Variants in ORC5 observed in about 807,000 individuals in gnomAD.
The protein encoded by ORC5 is protein phosphatase 1, regulatory subunit 117.
ORC5 carries 39 observed loss-of-function variants against 58.8 expected under a neutral mutation model. The ratio of observed to expected loss-of-function variants is 0.66; its 90% confidence interval spans 0.51 to 0.87. ORC5 has a LOEUF of 0.87. Ranked by LOEUF, ORC5 falls within the 40% of genes least tolerant of loss-of-function variation. The probability of loss-of-function intolerance (pLI) is 0.00; values close to 1 mark genes in which losing one functional copy is unlikely to be tolerated. For missense variants in ORC5, 493 were observed against 506.3 expected (o/e 0.97, Z 0.25); for synonymous variants, 218 against 177.6 (o/e 1.23, Z -1.81).
In ORC5 at chr7:104,195,174, C is replaced by T. The variant is rs773154722; in HGVS notation, c.522G>A (p.Pro174=). The change falls in exon 5 of 14, where the codon CCG becomes CCA. Residue 174 remains proline (P), a synonymous_variant. Transcript: ENST00000297431. ...KFRPNTGCFE[P]FVLYFPDYSI... ...TGTAATCAGGGAAATATAAGACAAACGGCTCAAAGCATCCAGTATTTGGAC... is the reference window on the plus strand; with the variant it reads ...TGTAATCAGGGAAATATAAGACAAATGGCTCAAAGCATCCAGTATTTGGAC... The T allele has an allele frequency of 9.5e-6, 15 of 1,572,246 alleles. No homozygotes were observed. Among genetic ancestry groups the T allele is most frequent in the African/African-American group, 2.8e-5 (2 of 72,128 alleles).
chr7:104,132,709 G>A (rs1011701810), intron 13 of ORC5, among the ~76,000 whole-genome samples: 1 of 152,176 alleles, frequency 6.6e-6, no homozygotes, highest in Non-Finnish European at 1.5e-5. Flanking sequence ...AACACAGTCT[G>A]CTTTGAGCTT....
intron 5 of ORC5, among the ~76,000 whole-genome samples, chr7:104,191,381 A>AAAC (rs1218975624): frequency 3.3e-5 from 5 of 152,080 alleles, no homozygotes; most frequent in African/African-American, 9.7e-5. Flanking sequence ...ACATAAAGCA[A>AAAC]AACAACAACA....
At chr7:104,128,798 T>C (rs1409747382) in intron 13 of ORC5, among the ~76,000 whole-genome samples, 2 of 151,672 alleles carry the variant, frequency 1.3e-5, no homozygotes, top group Non-Finnish European at 2.9e-5. Flanking sequence ...AAGTGGTATT[T>C]GTACATCTCT....
intron 12 of ORC5, among the ~76,000 whole-genome samples, chr7:104,151,130 T>C (rs555191763): frequency 2.6e-5 from 4 of 152,224 alleles, no homozygotes; most frequent in Middle Eastern, 3.4e-3. Flanking sequence ...GTGGTAGAAA[T>C]TGGGGCCAGA....
At chr7:104,159,608 T>C (rs1052365628) in intron 12 of ORC5, among the ~76,000 whole-genome samples, 1 of 145,392 alleles carries the variant, frequency 6.9e-6, no homozygotes, top group Admixed American at 6.9e-5. Context: ...TGTACTATCC[T>C]TCACTGTGCC....
chr7:104,194,007 T>A (rs548069261), intron 5 of ORC5, among the ~76,000 whole-genome samples: 7 of 151,842 alleles, frequency 4.6e-5, no homozygotes, highest in Non-Finnish European at 5.9e-5. Flanking sequence ...CAACATTTTT[T>A]AATAATTTTC....
At chr7:104,198,100 G>A (rs1293655194) in intron 3 of ORC5, among the ~76,000 whole-genome samples, 1 of 152,204 alleles carries the variant, frequency 6.6e-6, no homozygotes. Context: ...ATCATGAGAG[G>A]AGGCAGCAAG....
Position 104,152,898 on chromosome 7 carries a change from T to C in ORC5, c.1149+8174A>G, listed in dbSNP as rs549393783. ...TAAATCCCTTAGGCAGTTTTTTATATGTCACCCTTAGGCACTGGTTTCATT... is the reference window on the plus strand; with the variant it reads ...TAAATCCCTTAGGCAGTTTTTTATACGTCACCCTTAGGCACTGGTTTCATT... On this transcript the variant is annotated intron_variant, in intron 12 of 13. Transcript: ENST00000297431. 4.1e-3 allele frequency among the ~76,000 whole-genome samples: 628 copies of C among 152,312 alleles called. 3 individuals are homozygous for C. The highest frequency in any genetic ancestry group is 6.9e-3 in the Admixed American group (105 of 15,294).
At chr7:104,205,952 G>A (rs902001728) in intron 1 of ORC5, among the ~76,000 whole-genome samples, 2 of 152,198 alleles carry the variant, frequency 1.3e-5, no homozygotes, top group African/African-American at 2.4e-5. Flanking sequence ...AGACTGCAGT[G>A]AGCCAAGATC....
At chr7:104,170,971 T>G (rs1261392046) in intron 8 of ORC5, among the ~76,000 whole-genome samples, 2 of 152,210 alleles carry the variant, frequency 1.3e-5, no homozygotes. Flanking sequence ...CTTACTATAT[T>G]CTCAGTTGAA....
At chr7:104,202,783 T>C (rs76690209) in intron 2 of ORC5, among the ~76,000 whole-genome samples, 123 of 152,346 alleles carry the variant, frequency 8.1e-4, no homozygotes, top group Middle Eastern at 3.4e-3. Context: ...CAGGCATATG[T>C]GTTTTTTAAA....
At chr7:104,144,200 G>T (rs1259083710) in intron 12 of ORC5, among the ~76,000 whole-genome samples, 1 of 152,140 alleles carries the variant, frequency 6.6e-6, no homozygotes, top group Non-Finnish European at 1.5e-5. Context: ...TTAAAATTTT[G>T]CTAGAGTAAA....
At chr7:104,134,408 C>G (rs377155801) in intron 13 of ORC5, among the ~76,000 whole-genome samples, 3 of 108,714 alleles carry the variant, frequency 2.8e-5, no homozygotes, top group Admixed American at 1.2e-4. Flanking sequence ...GAGCAAGACA[C>G]TCCATCTCAA....
intron 13 of ORC5, among the ~76,000 whole-genome samples, 184 bp from the exon 14 acceptor site, chr7:104,127,077 A>ATT (rs77261166): frequency 7.0e-5 from 10 of 143,370 alleles, no homozygotes; most frequent in African/African-American, 1.0e-4. Flanking sequence ...CAATATTTTA[A>ATT]TTTTTTTTTT....
chr7:104,191,775 A>G (rs1424035875), intron 5 of ORC5, among the ~76,000 whole-genome samples: 1 of 152,084 alleles, frequency 6.6e-6, no homozygotes, highest in African/African-American at 2.4e-5. Flanking sequence ...TGAGGTAGTA[A>G]ACAAAGGGTA....
intron 8 of ORC5, among the ~76,000 whole-genome samples, chr7:104,173,968 C>T (rs1436609775): frequency 6.7e-6 from 1 of 150,112 alleles, no homozygotes; most frequent in Non-Finnish European, 1.5e-5. Context: ...CCTCAGCCTC[C>T]CAAGTAGCTG....
At chr7:104,206,684 AT>A (rs1435051581) in intron 1 of ORC5, among the ~76,000 whole-genome samples, 2 of 152,204 alleles carry the variant, frequency 1.3e-5, no homozygotes, top group Non-Finnish European at 2.9e-5. Context: ...GCCATGCAAT[AT>A]TTCTAGTTGG....
intron 12 of ORC5, 23 bp downstream of exon 12, chr7:104,161,049 T>C (rs771956430): frequency 8.3e-7 from 1 of 1,208,072 alleles, no homozygotes; most frequent in Non-Finnish European, 1.2e-6. Flanking sequence ...AGATGACAGA[T>C]AATAATCTAT....
chr7:104,204,614 C>T (rs757443145), intron 1 of ORC5, among the ~76,000 whole-genome samples: 1 of 151,968 alleles, frequency 6.6e-6, no homozygotes, highest in Non-Finnish European at 1.5e-5. Context: ...TTATCTCCTG[C>T]GATGCCACAA....
Sources: allele counts gnomAD v4.1 joint callset (sites outside exome capture counted in the v4.1 genomes callset), GRCh38; gene constraint gnomAD v4.1.1; transcripts MANE v1.5; gene names NCBI Gene and HGNC (gene_info 2026-07-23, HGNC 2026-07-21).